Variants in TUSC3 observed in about 807,000 individuals in gnomAD.
TUSC3 encodes dolichyl-diphosphooligosaccharide--protein glycosyltransferase subunit TUSC3.
TUSC3 carries 45 observed loss-of-function variants against 44.8 expected under a neutral mutation model. That is an observed-to-expected ratio of 1.00 (90% CI 0.79 to 1.29). The LOEUF is 1.29. TUSC3 is among the 50% of genes most tolerant of loss of function. TUSC3 has a pLI of 0.00. For synonymous variants in TUSC3, 212 were observed against 152.9 expected (o/e 1.39, Z -2.85); for missense variants, 519 against 437.9 (o/e 1.19, Z -1.65).
At chr8:15,449,596 A>G (rs910444771) in intron 1 of TUSC3, among the ~76,000 whole-genome samples, 2 of 152,090 alleles carry the variant, frequency 1.3e-5, no homozygotes, top group African/African-American at 4.8e-5. Flanking sequence ...GAAAAAGCCT[A>G]ATGGAGGTTA....
intron 1 of TUSC3, among the ~76,000 whole-genome samples, chr8:15,572,153 G>T (rs2129143560): frequency 6.6e-6 from 1 of 152,302 alleles, no homozygotes; most frequent in East Asian, 1.9e-4. Context: ...CCAGTAGAAG[G>T]ATGTTTAGTC....
chr8:15,749,011 T>C (rs938642579), intron 9 of TUSC3, among the ~76,000 whole-genome samples: 7 of 152,282 alleles, frequency 4.6e-5, no homozygotes, highest in East Asian at 3.9e-4. Flanking sequence ...ATTACCAAAC[T>C]ATAGTTTCAG....
intron 1 of TUSC3, among the ~76,000 whole-genome samples, chr8:15,471,736 C>G (rs751632232): frequency 6.6e-6 from 1 of 151,806 alleles, no homozygotes; most frequent in Non-Finnish European, 1.5e-5. Context: ...TCCCGCCTCA[C>G]CCTCCCAAGT....
chr8:15,690,641 T>TTTTACA (rs758617558), intron 6 of TUSC3, among the ~76,000 whole-genome samples: 9 of 152,186 alleles, frequency 5.9e-5, no homozygotes, highest in Non-Finnish European at 1.2e-4. Flanking sequence ...TGTTTTTACA[T>TTTTACA]TTAAGTATTT....
intron 7 of TUSC3, among the ~76,000 whole-genome samples, chr8:15,737,282 A>G (rs1810977389): frequency 6.6e-6 from 1 of 152,158 alleles, no homozygotes; most frequent in African/African-American, 2.4e-5. Flanking sequence ...ATTTACATTT[A>G]TCTATCTTTA....
intron 1 of TUSC3, among the ~76,000 whole-genome samples, chr8:15,540,788 C>T (rs949504753): frequency 6.6e-6 from 1 of 152,200 alleles, no homozygotes; most frequent in South Asian, 2.1e-4. Flanking sequence ...GTGTTCTTGA[C>T]TGCTTCTGAG....
At chr8:15,458,389 C>G (rs1800290930) in intron 1 of TUSC3, among the ~76,000 whole-genome samples, 1 of 152,062 alleles carries the variant, frequency 6.6e-6, no homozygotes, top group Non-Finnish European at 1.5e-5. Context: ...CAGGAGCATG[C>G]TACCACACTT....
chr8:15,474,185 A>G (rs928314841), intron 1 of TUSC3, among the ~76,000 whole-genome samples: 15 of 152,186 alleles, frequency 9.9e-5, no homozygotes, highest in African/African-American at 2.4e-5. Flanking sequence ...CCTCACAGGC[A>G]GTCAGACCTT....
In TUSC3 at chr8:15,559,783, T is replaced by G. The variant is rs1349756197; in HGVS notation, c.138+19215T>G. Among the ~76,000 whole-genome samples the G allele has an allele frequency of 1.1e-3, 115 of 104,924 alleles. 1 individual carries two copies. The highest frequency in any genetic ancestry group is 4.0e-3 in the African/African-American group (111 of 27,888). 68.8% of individuals were successfully genotyped at this position (104,924 alleles called of 152,430 possible). On this transcript the variant is annotated intron_variant, in intron 1 of 10. Transcript: ENST00000503731. ...TGGCCTTCTTTGTCTCTTTTGATCT[T>G]TGTTGGTTTAAAGTCTGTTTTATCA...
the TUSC3 span, among the ~76,000 whole-genome samples, chr8:15,778,831 CTCTT>C: frequency 6.6e-6 from 1 of 152,282 alleles, no homozygotes; most frequent in East Asian, 1.9e-4. Context: ...CACCAAGAAA[CTCTT>C]TATGCAAATC....
At chr8:15,783,890 A>G in the TUSC3 span, among the ~76,000 whole-genome samples, 1 of 152,210 alleles carries the variant, frequency 6.6e-6, no homozygotes. Context: ...TGCATAGCAA[A>G]AGAAGCAGTG....
chr8:15,453,727 CAGTGGGCAGG>C (rs1800221870), intron 1 of TUSC3, among the ~76,000 whole-genome samples: 1 of 152,176 alleles, frequency 6.6e-6, no homozygotes, highest in Non-Finnish European at 1.5e-5. Context: ...ATTCTTGTTA[CAGTGGGCAGG>C]TAGTCAGACA....
chr8:15,789,201 G>A, the TUSC3 span, among the ~76,000 whole-genome samples: 1 of 152,110 alleles, frequency 6.6e-6, no homozygotes, highest in Non-Finnish European at 1.5e-5. Flanking sequence ...ATTCCACCGA[G>A]GCGGCTCATG....
intron 5 of TUSC3, among the ~76,000 whole-genome samples, chr8:15,664,990 C>G (rs1807593802): frequency 6.6e-6 from 1 of 151,274 alleles, no homozygotes; most frequent in South Asian, 2.1e-4. Context: ...TTTTCGTATC[C>G]TACTTTTGAG....
intron 1 of TUSC3, among the ~76,000 whole-genome samples, chr8:15,438,861 G>A (rs1001974297): frequency 6.6e-6 from 1 of 152,158 alleles, no homozygotes; most frequent in African/African-American, 2.4e-5. Flanking sequence ...GCCCTGGTGG[G>A]AAACACACAG....
At chr8:15,422,645 ATTGG>A (rs990461365) in intron 1 of TUSC3, among the ~76,000 whole-genome samples, 3 of 152,140 alleles carry the variant, frequency 2.0e-5, no homozygotes, top group East Asian at 1.9e-4. Flanking sequence ...TGATTGGTTG[ATTGG>A]TTGGTTGGTT....
intron 1 of TUSC3, among the ~76,000 whole-genome samples, chr8:15,584,152 A>G (rs564585669): frequency 6.6e-6 from 1 of 152,308 alleles, no homozygotes; most frequent in African/African-American, 2.4e-5. Context: ...TTTCCTTAAG[A>G]TTCTTAATTG....
At chr8:15,526,921 GTTGAA>G (rs1801380468) in intron 2 of TUSC3, among the ~76,000 whole-genome samples, 1 of 152,146 alleles carries the variant, frequency 6.6e-6, no homozygotes, top group Non-Finnish European at 1.5e-5. Flanking sequence ...ACCATTTGAT[GTTGAA>G]GAGGTTTCTA....
chr8:15,803,495 G>C, the TUSC3 span, among the ~76,000 whole-genome samples: 1 of 152,250 alleles, frequency 6.6e-6, no homozygotes, highest in Non-Finnish European at 1.5e-5. Context: ...TTTTTCTTAT[G>C]TAAGGTTGAA....
Sources: gnomAD v4.1 joint callset for allele counts (sites outside exome capture counted in the v4.1 genomes callset) on GRCh38, gnomAD v4.1.1 for gene constraint, MANE v1.5 for transcripts, NCBI Gene and HGNC (gene_info 2026-07-23, HGNC 2026-07-21) for gene names.